The following RNF135 variants were observed in gnomAD, a reference collection of about 807,000 sequenced individuals.
The protein encoded by RNF135 is E3 ubiquitin-protein ligase RNF135.
In RNF135, 46 loss-of-function variants were observed where a neutral mutation model predicts 41.9. The observed-to-expected ratio is 1.10, with a 90% CI of 0.87 to 1.40. The LOEUF is 1.40. RNF135 is among the 40% of genes most tolerant of loss of function. The probability of loss-of-function intolerance (pLI) is 0.00; values close to 1 mark genes in which losing one functional copy is unlikely to be tolerated. For missense variants in RNF135, 539 were observed against 549.8 expected, an observed-to-expected ratio of 0.98 and a Z score of 0.20; for synonymous variants, 238 against 223.8, an observed-to-expected ratio of 1.06 and a Z score of -0.57.
intron 1 of RNF135, among the ~76,000 whole-genome samples, chr17:30,984,088 A>G (rs1466607073): frequency 6.6e-6 from 1 of 152,058 alleles, no homozygotes; most frequent in Non-Finnish European, 1.5e-5. Flanking sequence ...ATTTTCTTCC[A>G]TTTTTGTGGA....
chr17:30,973,656 C>A (rs988658956), intron 1 of RNF135, among the ~76,000 whole-genome samples: 5 of 151,934 alleles, frequency 3.3e-5, no homozygotes, highest in Non-Finnish European at 5.9e-5. Flanking sequence ...TTAGTAGAGA[C>A]GGGGTTTCAC....
intron 1 of RNF135, among the ~76,000 whole-genome samples, chr17:30,984,324 G>A (rs1219089431): frequency 6.6e-6 from 1 of 152,052 alleles, no homozygotes; most frequent in Non-Finnish European, 1.5e-5. Context: ...GTTAGTTTTT[G>A]TATATGATGT....
intron 1 of RNF135, among the ~76,000 whole-genome samples, chr17:30,979,517 C>T (rs1291544360): frequency 3.8e-5 from 2 of 52,782 alleles, no homozygotes; most frequent in Admixed American, 4.6e-4. Flanking sequence ...CCCTCCCGGA[C>T]GGGGCAGCTG....
intron 1 of RNF135, among the ~76,000 whole-genome samples, chr17:30,983,349 ATATATTT>A (rs1346788840): frequency 6.2e-4 from 24 of 38,694 alleles, no homozygotes; most frequent in African/African-American, 2.4e-3. Flanking sequence ...ATATATATAT[ATATATTT>A]TTTTTTTTTT....
chr17:30,987,325 G>A (rs1244055890), intron 2 of RNF135, among the ~76,000 whole-genome samples: 4 of 151,720 alleles, frequency 2.6e-5, no homozygotes, highest in African/African-American at 4.8e-5. Flanking sequence ...TCTACCTCCC[G>A]GGTTCAAGTG....
chr17:30,988,159 T>G, intron 3 of RNF135, 53 bp downstream of exon 3: 1 of 1,535,450 alleles, frequency 6.5e-7, no homozygotes, highest in Non-Finnish European at 9.0e-7. Flanking sequence ...TTGGGGGGAG[T>G]AGCAGAGTGC....
chr17:30,984,276 A>T (rs1907428058), intron 1 of RNF135, among the ~76,000 whole-genome samples: 1 of 152,034 alleles, frequency 6.6e-6, no homozygotes, highest in Non-Finnish European at 1.5e-5. Context: ...CAGCTGTATT[A>T]TTTTAGGTCT....
chr17:30,964,461 G>A, the RNF135 span, among the ~76,000 whole-genome samples: 2 of 149,564 alleles, frequency 1.3e-5, no homozygotes, highest in African/African-American at 2.5e-5. Flanking sequence ...ATGTTAGGCC[G>A]AGCGTGGTGG....
chr17:30,995,588 A>C (rs1908301920), intron 3 of RNF135, among the ~76,000 whole-genome samples: 1 of 151,934 alleles, frequency 6.6e-6, no homozygotes, highest in African/African-American at 2.4e-5. Context: ...ACATTCCTTC[A>C]ACCCCCTCCT....
Position 30,999,409 on chromosome 17 carries a change from T to C in RNF135, c.*218T>C, listed in dbSNP as rs961460270. ...GATTACAGGTGTGAGCCACCACACC[T>C]GGCCAAGAATACCACTTTTGAAGTT... On this transcript the variant is annotated 3_prime_UTR_variant, in exon 5 of 5. Transcript: ENST00000328381. 1.7e-6 allele frequency: 1 copy of C among 572,802 alleles called. No individual in the cohort carries two copies. The highest frequency in any genetic ancestry group is 3.1e-6 in the Non-Finnish European group (1 of 320,256). The allele number at this position is 572,802 out of a possible 1,614,324, so 35.5% of individuals were successfully genotyped here.
At chr17:30,969,992 G>A (rs1905760709), upstream of RNF135, among the ~76,000 whole-genome samples, 1 of 151,840 alleles carries the variant, frequency 6.6e-6, no homozygotes. Context: ...GGCCAGGCTG[G>A]TCTTGAACTC....
At chr17:30,979,693 G>A (rs1159311729) in intron 1 of RNF135, among the ~76,000 whole-genome samples, 2 of 134,492 alleles carry the variant, frequency 1.5e-5, no homozygotes, top group Non-Finnish European at 3.3e-5. Flanking sequence ...CGGACGGGGC[G>A]GCTGGCCGGG....
upstream of RNF135, among the ~76,000 whole-genome samples, chr17:30,968,605 G>C (rs1175721624): frequency 2.0e-5 from 3 of 151,576 alleles, no homozygotes; most frequent in Non-Finnish European, 4.4e-5. Context: ...AGCCAGAATG[G>C]TCTCAATCTC....
intron 1 of RNF135, among the ~76,000 whole-genome samples, chr17:30,983,337 ATATATATATATATATAT>A (rs1488725281): frequency 1.2e-4 from 3 of 25,696 alleles, no homozygotes; most frequent in South Asian, 1.4e-3. Context: ...ATATATATAT[ATATATATATATATATAT>A]TTTTTTTTTT....
intron 3 of RNF135, 29 bp downstream of exon 3, chr17:30,988,135 A>T (rs1907720587): frequency 1.2e-6 from 2 of 1,610,086 alleles, no homozygotes; most frequent in Non-Finnish European, 1.7e-6. Flanking sequence ...TTGGAGGAGG[A>T]TTAAATATGG....
At chr17:30,980,281 G>A (rs1164286591) in intron 1 of RNF135, 29 of 131,856 alleles carry the variant, frequency 2.2e-4, no homozygotes, top group African/African-American at 6.6e-4. Context: ...CAGTAGGGGC[G>A]GCCGGGCAGA....
rs1400392721 is a variant in RNF135 at position 30,999,001 on chromosome 17, C to T, written c.1109C>T (p.Ser370Leu). The T allele has an allele frequency of 6.2e-7, 1 of 1,614,150 alleles. No homozygotes were observed. Among genetic ancestry groups the T allele is most frequent in the African/African-American group, 1.3e-5 (1 of 75,034 alleles). ...WHMVKETVLG[S>L]DRPGVVGIWL... Reference sequence around the variant, plus strand: ...ATGGTCAAGGAAACTGTCCTTGGCTCAGACAGACCTGGGGTGGTGGGCATC... The same window carrying T: ...ATGGTCAAGGAAACTGTCCTTGGCTTAGACAGACCTGGGGTGGTGGGCATC... The change falls in exon 5 of 5, where the codon TCA (serine) becomes TTA (leucine). Residue 370 changes from serine (S) to leucine (L), a missense_variant. This residue lies in a region of RNF135 where 262 missense variants were observed against 336.9 expected (regional missense o/e 0.78). Coordinates refer to ENST00000328381, the MANE Select transcript of RNF135 (RefSeq NM_032322.4).
intron 3 of RNF135, among the ~76,000 whole-genome samples, chr17:30,990,181 G>C (rs1414560111): frequency 6.6e-6 from 1 of 151,968 alleles, no homozygotes; most frequent in Non-Finnish European, 1.5e-5. Context: ...ACAAATTTAA[G>C]ATCAATTTTT....
chr17:30,980,400 G>A (rs1390952260), intron 1 of RNF135: 5 of 154,396 alleles, frequency 3.2e-5, no homozygotes, highest in Admixed American at 6.6e-5. Flanking sequence ...TCACTTCCCA[G>A]TAGGGGCGGC....
Sources: gnomAD v4.1 joint callset for allele counts (sites outside exome capture counted in the v4.1 genomes callset) on GRCh38, gnomAD v4.1.1 for gene constraint, gnomAD v4.1.1 regional missense constraint, MANE v1.5 for transcripts, NCBI Gene and HGNC (gene_info 2026-07-23, HGNC 2026-07-21) for gene names.